LONP2: variants seen among roughly 807,000 people sequenced by gnomAD.
LONP2 encodes lon protease homolog 2, peroxisomal.
Under a neutral mutation model 85.6 loss-of-function variants are expected in LONP2, and 60 were observed. The ratio of observed to expected loss-of-function variants is 0.70; its 90% confidence interval spans 0.57 to 0.87. The LOEUF is 0.87. Ranked by LOEUF, LONP2 falls within the 40% of genes least tolerant of loss-of-function variation. The pLI is 0.00. For missense variants in LONP2, 860 were observed against 1,063.5 expected (o/e 0.81, Z 2.66); for synonymous variants, 395 against 389.7 (o/e 1.01, Z -0.16).
chr16:48,318,293 C>A (rs2151013214), intron 11 of LONP2, among the ~76,000 whole-genome samples: 1 of 152,090 alleles, frequency 6.6e-6, no homozygotes, highest in African/African-American at 2.4e-5. Flanking sequence ...CTGAAGAGGG[C>A]AGATCACTTG....
chr16:48,351,460 G>T, intron 14 of LONP2, 121 bp from the exon 15 acceptor site: 1 of 740,538 alleles, frequency 1.4e-6, no homozygotes. Flanking sequence ...ATAACAAAAC[G>T]GAAGATGATT....
At chr16:48,284,495 A>G (rs536496671) in intron 8 of LONP2, among the ~76,000 whole-genome samples, 30 of 152,362 alleles carry the variant, frequency 2.0e-4, no homozygotes, top group African/African-American at 7.2e-4. Context: ...CTGATCAGTC[A>G]TCAACCATTA....
chr16:48,336,144 G>T (rs1407629132), intron 12 of LONP2, among the ~76,000 whole-genome samples: 1 of 152,160 alleles, frequency 6.6e-6, no homozygotes, highest in African/African-American at 2.4e-5. Context: ...TGTCTCTGTT[G>T]CATATACCCC....
chr16:48,244,916 G>C (rs1971271936), intron 1 of LONP2, among the ~76,000 whole-genome samples: 1 of 152,098 alleles, frequency 6.6e-6, no homozygotes, highest in Non-Finnish European at 1.5e-5. Flanking sequence ...CCTCGCCCTC[G>C]GTCTTCAGCC....
chr16:48,327,241 C>G (rs1959263738), intron 11 of LONP2, among the ~76,000 whole-genome samples: 1 of 152,110 alleles, frequency 6.6e-6, no homozygotes, highest in Non-Finnish European at 1.5e-5. Flanking sequence ...TATTAATAGG[C>G]CAATAATACC....
intron 9 of LONP2, among the ~76,000 whole-genome samples, chr16:48,298,836 T>C (rs1394651194): frequency 6.6e-6 from 1 of 152,140 alleles, no homozygotes; most frequent in Non-Finnish European, 1.5e-5. Flanking sequence ...GCTTAGTAAA[T>C]GCTTGTTTTG....
downstream of LONP2, chr16:48,362,106 G>T: frequency 6.2e-7 from 1 of 1,614,174 alleles, no homozygotes; most frequent in Non-Finnish European, 8.5e-7. This position sits in a 1 kb window ranked among gnomAD's most constrained non-coding sequence, Gnocchi z 4.2. Flanking sequence ...GTGTGGCAGA[G>T]TTATTTCACA....
At chr16:48,320,453 G>C (rs1018986009) in intron 11 of LONP2, among the ~76,000 whole-genome samples, 1 of 151,992 alleles carries the variant, frequency 6.6e-6, no homozygotes, top group Non-Finnish European at 1.5e-5. Context: ...TTAGGCACTG[G>C]CTCATTGGTA....
chr16:48,262,878 C>A lies in LONP2; in HGVS notation c.982+6C>A. ...TTGGAACAAAAGTACAACTGGTAAG[C>A]CAAAAAATAACACCTGTTTTGCAGT... On this transcript the variant is annotated splice_donor_region_variant and intron_variant, in intron 6 of 14. Coordinates refer to ENST00000285737, the MANE Select transcript of LONP2 (RefSeq NM_031490.5). 6.4e-7 allele frequency: 1 copy of A among 1,573,560 alleles called. No homozygotes were observed. Among genetic ancestry groups the A allele is most frequent in the Non-Finnish European group, 8.7e-7 (1 of 1,149,046 alleles).
intron 6 of LONP2, among the ~76,000 whole-genome samples, chr16:48,265,579 C>T (rs1411774007): frequency 1.3e-5 from 2 of 151,952 alleles, no homozygotes; most frequent in Admixed American, 6.6e-5. Flanking sequence ...TCCATTGGTC[C>T]GTGTGTCTGT....
chr16:48,321,186 G>C (rs1973255827), intron 11 of LONP2, among the ~76,000 whole-genome samples: 1 of 152,160 alleles, frequency 6.6e-6, no homozygotes, highest in African/African-American at 2.4e-5. Context: ...CGCCCGGCCT[G>C]CAGTGACCTT....
At chr16:48,335,665 T>C (rs1959624523) in intron 12 of LONP2, among the ~76,000 whole-genome samples, 1 of 152,244 alleles carries the variant, frequency 6.6e-6, no homozygotes, top group Non-Finnish European at 1.5e-5. Flanking sequence ...TTTGAAATCA[T>C]TACCAGTAGA....
chr16:48,331,788 TCTC>T (rs1285502403), intron 11 of LONP2, among the ~76,000 whole-genome samples: 1 of 152,150 alleles, frequency 6.6e-6, no homozygotes, highest in Non-Finnish European at 1.5e-5. Context: ...ATGGTCTCGA[TCTC>T]CTGACCTCGT....
At chr16:48,264,053 G>T (rs1034097674) in intron 6 of LONP2, among the ~76,000 whole-genome samples, 1 of 152,126 alleles carries the variant, frequency 6.6e-6, no homozygotes, top group Admixed American at 6.6e-5. Context: ...ACTTAACAGG[G>T]TAATAGAATA....
chr16:48,299,995 T>G (rs1192633362), intron 10 of LONP2, among the ~76,000 whole-genome samples: 1 of 132,880 alleles, frequency 7.5e-6, no homozygotes, highest in South Asian at 2.4e-4. Flanking sequence ...ATCATAACTA[T>G]TGATTTACAC....
intron 8 of LONP2, among the ~76,000 whole-genome samples, chr16:48,287,578 CTGGGGATGGGGCTTTTGAAGGATTGTAAT>C (rs1189284541): frequency 8.5e-5 from 13 of 152,328 alleles, no homozygotes; most frequent in Middle Eastern, 3.4e-3. Flanking sequence ...GGACAGTTCT[CTGGGGATGGGGCTTTTGAAGGATTGTAAT>C]CCTTTTCTAC....
At position 48,252,479 on chromosome 16, in the gene LONP2, G is replaced by A. The variant is rs1219515970; in HGVS notation, c.468+114G>A. On this transcript the variant is annotated intron_variant, in intron 2 of 14. Coordinates refer to ENST00000285737, the MANE Select transcript of LONP2 (RefSeq NM_031490.5). ...TTTAGGACAGTATACATTTAAATGA[G>A]TTAGTAACATTATATATTAATTCTG... 4 of 588,172 alleles carry A rather than the reference G, an allele frequency of 6.8e-6. No homozygotes were observed. The South Asian group carries it at 9.1e-5, about 13-fold the overall frequency. 36.4% of individuals were successfully genotyped at this position (588,172 alleles called of 1,614,324 possible).
intron 12 of LONP2, among the ~76,000 whole-genome samples, chr16:48,340,636 A>T (rs1023836837): frequency 2.6e-5 from 4 of 152,218 alleles, no homozygotes; most frequent in Admixed American, 6.5e-5. Flanking sequence ...TTGAAAAATG[A>T]TGGATTAGTT....
chr16:48,347,956 C>T (rs539038779), intron 13 of LONP2, 144 bp from the exon 14 acceptor site: 20 of 794,958 alleles, frequency 2.5e-5, no homozygotes, highest in South Asian at 1.1e-4. Flanking sequence ...TTCTTCCACA[C>T]CCTCACCCAA....
Sources: gnomAD v4.1 joint callset for allele counts (sites outside exome capture counted in the v4.1 genomes callset) on GRCh38, gnomAD v4.1.1 for gene constraint, Gnocchi (gnomAD v3.1) non-coding constraint, MANE v1.5 for transcripts, NCBI Gene and HGNC (gene_info 2026-07-23, HGNC 2026-07-21) for gene names.